Variants in CSMD3 observed in about 807,000 individuals in gnomAD.
CSMD3 encodes CUB and Sushi multiple domains 3, also known as CUB and sushi domain-containing protein 3.
CSMD3 carries 177 observed loss-of-function variants against 435.2 expected under a neutral mutation model. The ratio of observed to expected loss-of-function variants is 0.41; its 90% CI spans 0.36 to 0.46. CSMD3 has a LOEUF of 0.46. CSMD3 is among the 20% of genes least tolerant of loss of function. The probability of loss-of-function intolerance (pLI) is 0.34; values close to 1 mark genes in which losing one functional copy is unlikely to be tolerated. For synonymous variants in CSMD3, 1,656 were observed against 1,520.5 expected, an observed-to-expected ratio of 1.09 and a Z score of -2.07; for missense variants, 4,265 against 4,504.6, an observed-to-expected ratio of 0.95 and a Z score of 1.52.
At chr8:112,573,696 A>G (rs1304799613) in intron 23 of CSMD3, 39 bp from the exon 24 acceptor site, 5 of 1,420,782 alleles carry the variant, frequency 3.5e-6, no homozygotes, top group Non-Finnish European at 9.9e-7. Flanking sequence ...AAATGTGCCA[A>G]TAATAATCAA....
chr8:113,424,101 G>T (rs959550847), intron 1 of CSMD3, among the ~76,000 whole-genome samples: 2 of 151,688 alleles, frequency 1.3e-5, no homozygotes, highest in Non-Finnish European at 3.0e-5. Flanking sequence ...TTGTAGTTCT[G>T]AAGTAATCTG....
At chr8:112,772,469 G>T (rs1021345289) in intron 13 of CSMD3, among the ~76,000 whole-genome samples, 6 of 150,846 alleles carry the variant, frequency 4.0e-5, no homozygotes, top group Non-Finnish European at 7.4e-5. Context: ...AAAACACTGC[G>T]GAAGGCCGCA....
intron 4 of CSMD3, among the ~76,000 whole-genome samples, chr8:113,143,619 T>C (rs2091602378): frequency 6.6e-6 from 1 of 151,296 alleles, no homozygotes; most frequent in Non-Finnish European, 1.5e-5. Flanking sequence ...ATGCCAGCAA[T>C]GAAAAAGACC....
chr8:113,019,406 C>A (rs1311228684), intron 5 of CSMD3, among the ~76,000 whole-genome samples: 1 of 151,916 alleles, frequency 6.6e-6, no homozygotes, highest in Non-Finnish European at 1.5e-5. Flanking sequence ...ATACAATCAA[C>A]TATAAAACTT....
At chr8:112,890,308 T>C (rs926707573) in intron 10 of CSMD3, among the ~76,000 whole-genome samples, 3 of 151,694 alleles carry the variant, frequency 2.0e-5, no homozygotes, top group Admixed American at 6.6e-5. Context: ...TGATAATGTC[T>C]TTGCTATAAG....
intron 59 of CSMD3, among the ~76,000 whole-genome samples, chr8:112,275,450 GGCAGGA>G (rs1817954722): frequency 6.6e-6 from 1 of 152,110 alleles, no homozygotes; most frequent in African/African-American, 2.4e-5. Context: ...AGGAAGCTGA[GGCAGGA>G]GAATCACTTG....
intron 13 of CSMD3, among the ~76,000 whole-genome samples, chr8:112,697,976 C>T (rs2076296690): frequency 6.6e-6 from 1 of 151,996 alleles, no homozygotes; most frequent in African/African-American, 2.4e-5. Context: ...GGTATAAAGC[C>T]TTTTTCTTCC....
chr8:112,397,614 G>A (rs1830962774), intron 35 of CSMD3, among the ~76,000 whole-genome samples: 1 of 152,052 alleles, frequency 6.6e-6, no homozygotes, highest in Non-Finnish European at 1.5e-5. Flanking sequence ...GATTATATAC[G>A]ACCGTCTTCT....
chr8:113,261,619 T>C (rs1260666290), intron 3 of CSMD3, among the ~76,000 whole-genome samples: 1 of 152,088 alleles, frequency 6.6e-6, no homozygotes, highest in Non-Finnish European at 1.5e-5. Flanking sequence ...GAAAATTATT[T>C]ACCTCATTGG....
Position 112,548,801 on chromosome 8 carries a change from A to C in CSMD3, c.4564+1870T>G, listed in dbSNP as rs1434824119. On this transcript the variant is annotated intron_variant, in intron 27 of 70. Transcript: ENST00000297405. ...TTTCATTCACAATGTAGTAACCATC[A>C]ATGTAACTTTATTTCAATAGGTTGA... 2.0e-5 allele frequency among the ~76,000 whole-genome samples: 3 copies of C among 152,130 alleles called. No individual in the cohort carries two copies. The East Asian group carries it at 5.8e-4, about 29-fold the overall frequency.
At chr8:112,369,533 TA>T (rs1192640457) in intron 38 of CSMD3, among the ~76,000 whole-genome samples, 2 of 152,040 alleles carry the variant, frequency 1.3e-5, no homozygotes, top group Non-Finnish European at 2.9e-5. Flanking sequence ...TATGTAGTCA[TA>T]AAAAAGAATG....
chr8:113,246,617 C>T (rs577834650), intron 3 of CSMD3, among the ~76,000 whole-genome samples: 1 of 152,030 alleles, frequency 6.6e-6, no homozygotes, highest in South Asian at 2.1e-4. Flanking sequence ...TATTATGGGC[C>T]ATAGTTTCCT....
At chr8:112,466,488 ACTG>A (rs1224888249) in intron 32 of CSMD3, among the ~76,000 whole-genome samples, 7 of 152,190 alleles carry the variant, frequency 4.6e-5, no homozygotes, top group African/African-American at 1.4e-4. Context: ...CACAAAATGA[ACTG>A]CTATTATTTT....
intron 3 of CSMD3, among the ~76,000 whole-genome samples, chr8:113,177,492 T>G (rs2092363811): frequency 6.6e-6 from 1 of 151,962 alleles, no homozygotes; most frequent in Admixed American, 6.6e-5. Context: ...TTTAGGTGAC[T>G]AACACAAAAT....
At chr8:112,350,327 A>G (rs1168676362) in intron 40 of CSMD3, among the ~76,000 whole-genome samples, 1 of 144,448 alleles carries the variant, frequency 6.9e-6, no homozygotes, top group East Asian at 2.0e-4. Context: ...AGAAAGAGAT[A>G]TCTTCTTCCT....
intron 13 of CSMD3, among the ~76,000 whole-genome samples, chr8:112,729,388 G>A (rs1233107816): frequency 6.6e-6 from 1 of 152,018 alleles, no homozygotes; most frequent in Non-Finnish European, 1.5e-5. Context: ...TGTGAAACAC[G>A]ATTATCAGCT....
At position 112,472,622 on chromosome 8, in the gene CSMD3, A is replaced by G; in HGVS notation, c.5364T>C (p.Cys1788=). The change falls in exon 32 of 71, where the codon TGT becomes TGC. Residue 1788 remains cysteine, a synonymous_variant. Transcript: ENST00000297405. The part of the protein sequence containing the change: ...YPKNYSVGHN[C]VYSIAVPKEF... Reference sequence around the variant, plus strand: ...CCTTTGGAACTGCTATAGAATAAACACAATTATGTCCCACACTGTAATTTT... The same window carrying G: ...CCTTTGGAACTGCTATAGAATAAACGCAATTATGTCCCACACTGTAATTTT... The G allele has an allele frequency of 6.2e-7, 1 of 1,604,432 alleles. No individual in the cohort carries two copies.
At chr8:113,148,216 A>T (rs2091724466) in intron 4 of CSMD3, among the ~76,000 whole-genome samples, 1 of 151,698 alleles carries the variant, frequency 6.6e-6, no homozygotes, top group Non-Finnish European at 1.5e-5. Flanking sequence ...AAAATACCAA[A>T]TAATTTTCAT....
At chr8:112,392,057 A>T (rs1830459920) in intron 35 of CSMD3, among the ~76,000 whole-genome samples, 1 of 152,164 alleles carries the variant, frequency 6.6e-6, no homozygotes, top group Non-Finnish European at 1.5e-5. Context: ...TTTGTGAAAA[A>T]TACAAAGAAG....
Sources: gnomAD v4.1 joint callset for allele counts (sites outside exome capture counted in the v4.1 genomes callset) on GRCh38, gnomAD v4.1.1 for gene constraint, MANE v1.5 for transcripts, NCBI Gene and HGNC (gene_info 2026-07-23, HGNC 2026-07-21) for gene names.